Variants in COG5 observed in about 807,000 individuals in gnomAD.
The protein encoded by COG5 is conserved oligomeric Golgi complex subunit 5.
A neutral mutation model predicts 110.4 loss-of-function variants in COG5; 86 were observed. The ratio of observed to expected loss-of-function variants is 0.78; its 90% CI spans 0.65 to 0.93. The LOEUF (loss-of-function observed/expected upper bound fraction) is 0.93. Among genes scored for constraint, COG5 ranks in the 40% least tolerant of loss-of-function variants. The pLI is 0.00. For missense variants in COG5, 1,077 were observed against 987.0 expected, an observed-to-expected ratio of 1.09 and a Z score of -1.22; for synonymous variants, 360 against 334.6, an observed-to-expected ratio of 1.08 and a Z score of -0.83.
rs1791377005 is a variant in COG5 at position 107,400,930 on chromosome 7, A to T, written c.669+11572T>A. On this transcript the variant is annotated intron_variant, in intron 7 of 21. Transcript: ENST00000297135. ...TAATTGACACATCGTAAAAGAGGAA[A>T]GGGTAGACAGAGAGAAAAAGAGTAG... Among the ~76,000 whole-genome samples the T allele has an allele frequency of 2.0e-5, 3 of 152,180 alleles. No individual in the cohort carries two copies. In the South Asian group the frequency reaches 6.2e-4, roughly 31 times the overall value.
chr7:107,523,922 C>T (rs1800536729), intron 6 of COG5, among the ~76,000 whole-genome samples: 1 of 152,016 alleles, frequency 6.6e-6, no homozygotes, highest in Non-Finnish European at 1.5e-5. Context: ...TCTAGACATT[C>T]CAATCCTAGG....
intron 10 of COG5, among the ~76,000 whole-genome samples, chr7:107,337,523 C>A (rs1810805227): frequency 6.6e-6 from 1 of 152,110 alleles, no homozygotes; most frequent in South Asian, 2.1e-4. Context: ...TTAAGTGAAA[C>A]AGGCCAAGCA....
intron 6 of COG5, among the ~76,000 whole-genome samples, chr7:107,488,254 T>A (rs1029875150): frequency 6.6e-6 from 1 of 151,594 alleles, no homozygotes; most frequent in Non-Finnish European, 1.5e-5. Context: ...TAACCAAACA[T>A]AAGTGTAAAA....
chr7:107,291,358 G>C (rs977679959), intron 12 of COG5, among the ~76,000 whole-genome samples: 1 of 152,146 alleles, frequency 6.6e-6, no homozygotes, highest in Admixed American at 6.5e-5. Context: ...AGGAAGGCAT[G>C]AGCCACCACA....
At chr7:107,555,348 G>C (rs1174809379) in intron 2 of COG5, among the ~76,000 whole-genome samples, 1 of 152,182 alleles carries the variant, frequency 6.6e-6, no homozygotes, top group Non-Finnish European at 1.5e-5. Flanking sequence ...TGAATACTTA[G>C]TTTCATGTCT....
chr7:107,201,633 T>C lies in COG5; in HGVS notation c.*1883A>G. On this transcript the variant is annotated 3_prime_UTR_variant, in exon 22 of 22. Coordinates refer to ENST00000297135, the MANE Select transcript of COG5 (RefSeq NM_006348.5). ...AGCATTAAGCTAAAACTATCAACAT[T>C]TTAAACCAAATTGCCTTATTTTTCT... is the stretch of plus-strand genomic sequence containing the variant. 2.3e-6 allele frequency: 1 copy of C among 430,256 alleles called. No homozygotes were observed. The highest frequency in any genetic ancestry group is 4.2e-6 in the Non-Finnish European group (1 of 238,484). 26.7% of individuals were successfully genotyped at this position (430,256 alleles called of 1,614,324 possible).
At chr7:107,394,205 C>T (rs967755885) in intron 7 of COG5, among the ~76,000 whole-genome samples, 22 of 151,680 alleles carry the variant, frequency 1.5e-4, no homozygotes, top group East Asian at 3.9e-4. Context: ...CCTTGTGATC[C>T]GCCTGCCTCG....
intron 5 of COG5, among the ~76,000 whole-genome samples, chr7:107,537,604 G>A (rs996994542): frequency 3.3e-5 from 5 of 152,038 alleles, no homozygotes; most frequent in African/African-American, 7.3e-5. Flanking sequence ...GGGCCAAGGG[G>A]GAGGGATAGC....
At chr7:107,510,335 C>T (rs890042684) in intron 6 of COG5, among the ~76,000 whole-genome samples, 4 of 152,144 alleles carry the variant, frequency 2.6e-5, no homozygotes, top group African/African-American at 9.7e-5. Flanking sequence ...ATCAATTCAA[C>T]AAGAAGAGCT....
At position 107,508,314 on chromosome 7, in the gene COG5, C is replaced by A. The variant is rs560644953; in HGVS notation, c.538+18923G>T. ...AGCAGTCTGAGATCAAACTGCAAGG[C>A]AGCAGCAAGGCTGGGGGAGGGGCGC... On this transcript the variant is annotated intron_variant, in intron 6 of 21. Coordinates refer to ENST00000297135, the MANE Select transcript of COG5 (RefSeq NM_006348.5). 4.3e-3 allele frequency among the ~76,000 whole-genome samples: 654 copies of A among 152,356 alleles called. 3 individuals carry two copies. Among genetic ancestry groups the A allele is most frequent in the Middle Eastern group, 0.02 (6 of 294 alleles).
rs958430524 is a variant in COG5 at position 107,369,548 on chromosome 7, G to A, written c.835+3047C>T. 5.3e-5 allele frequency among the ~76,000 whole-genome samples: 8 copies of A among 151,770 alleles called. No homozygotes were observed. The South Asian group carries it at 8.3e-4, about 16-fold the overall frequency. On this transcript the variant is annotated intron_variant, in intron 8 of 21. Coordinates refer to ENST00000297135, the MANE Select transcript of COG5 (RefSeq NM_006348.5). ...ATTACAGGCATGCGCCACCACGCCC[G>A]GCTAATTTTTCTGTATTTTTAGTAG...
In COG5 at chr7:107,541,523, A is replaced by AAAATATAT. The variant is rs60423657; in HGVS notation, c.417+6587_417+6588insATATATTT. Among the ~76,000 whole-genome samples, 111 of 56,992 alleles carry AAAATATAT rather than the reference A, an allele frequency of 1.9e-3. 2 individuals are homozygous for AAAATATAT. Among genetic ancestry groups the AAAATATAT allele is most frequent in the African/African-American group, 2.7e-3 (40 of 14,946 alleles). 37.4% of individuals were successfully genotyped at this position (56,992 alleles called of 152,430 possible). A position where few individuals can be genotyped will look rare whatever the true frequency, so the allele number is the denominator to read the frequency against. Reference sequence around the variant, plus strand: ...AAAAAAAAAAAAAAAAAAAAAAAAAAATATATATATATATATATATGTATT... The same window carrying AAAATATAT: ...AAAAAAAAAAAAAAAAAAAAAAAAAAAAATATATATATATATATATATATATATGTATT... On this transcript the variant is annotated intron_variant, in intron 5 of 21. Transcript: ENST00000297135.
intron 14 of COG5, 183 bp from the exon 15 acceptor site, chr7:107,258,566 G>C (rs1562937389): frequency 6.5e-6 from 4 of 618,272 alleles, no homozygotes; most frequent in Admixed American, 5.2e-5. Context: ...CTTTGGACTT[G>C]AGGTAAAACC....
chr7:107,372,745 C>A lies in COG5; in HGVS notation c.685G>T (p.Gly229Ter). The A allele has an allele frequency of 4.3e-6, 7 of 1,613,340 alleles. No individual in the cohort carries two copies. The highest frequency in any genetic ancestry group is 5.9e-6 in the Non-Finnish European group (7 of 1,179,664). The change falls in exon 8 of 22, where the codon GGA becomes TGA. Residue 229 changes from glycine (G) to a stop codon, truncating the protein, a stop_gained. Transcript: ENST00000297135. LOFTEE classifies it high-confidence loss of function. The part of the protein sequence containing the change: ...GLETQNPTQV[G>*]TALQVFYNLG... ...TTATAGAAAACCTGAAGAGCTGTTC[C>A]GACTTGAGTTGGATTCTTAAAAAAA...
In COG5 at chr7:107,514,764, A is replaced by G. The variant is rs189042983; in HGVS notation, c.538+12473T>C. Among the ~76,000 whole-genome samples, 59 of 152,354 alleles carry G rather than the reference A, an allele frequency of 3.9e-4. No individual in the cohort carries two copies. The East Asian group carries it at 8.1e-3, about 21-fold the overall frequency. On this transcript the variant is annotated intron_variant, in intron 6 of 21. Transcript: ENST00000297135. ...ATAGCACATAGCACACATAGTAGATATTCAATAAACAATGGCTGAATAAGT... is the reference window on the plus strand; with the variant it reads ...ATAGCACATAGCACACATAGTAGATGTTCAATAAACAATGGCTGAATAAGT...
chr7:107,451,863 C>T (rs543130734), intron 6 of COG5, among the ~76,000 whole-genome samples: 1 of 152,174 alleles, frequency 6.6e-6, no homozygotes, highest in Admixed American at 6.5e-5. Flanking sequence ...GGCTTCCAGT[C>T]AACAATTGGC....
rs1053894190 is a variant in COG5, at chr7:107,352,202, C to A, written c.1026+9831G>T. 8.2e-5 allele frequency among the ~76,000 whole-genome samples: 12 copies of A among 147,182 alleles called. 1 individual carries two copies. The East Asian group carries it at 1.0e-3, about 13-fold the overall frequency. ...GAAACCATCATTCTCAGCAAACTAT[C>A]TCAAGGACAAAAAACCAAACACCGC... On this transcript the variant is annotated intron_variant, in intron 10 of 21. Transcript: ENST00000297135.
intron 10 of COG5, among the ~76,000 whole-genome samples, chr7:107,357,392 G>A (rs774077440): frequency 4.6e-5 from 7 of 152,108 alleles, no homozygotes; most frequent in Middle Eastern, 3.4e-3. Context: ...AATTCCAAGA[G>A]ACTAAATTTT....
In COG5 at chr7:107,201,942, C is replaced by G. The variant is rs1183115200; in HGVS notation, c.*1574G>C. 6.5e-6 allele frequency: 1 copy of G among 152,722 alleles called. No homozygotes were observed. Among genetic ancestry groups the G allele is most frequent in the Non-Finnish European group, 1.5e-5 (1 of 68,098 alleles). The allele number at this position is 152,722 out of a possible 1,614,324, so 9.5% of individuals were successfully genotyped here. ...TGTGCCAAACATAGGCGCTCCTAGT[C>G]TGGTCAGTGCCAAGAGGCTACCAGA... On this transcript the variant is annotated 3_prime_UTR_variant, in exon 22 of 22. Transcript: ENST00000297135.
Sources: gnomAD v4.1 joint callset for allele counts (sites outside exome capture counted in the v4.1 genomes callset) on GRCh38, gnomAD v4.1.1 for gene constraint, MANE v1.5 for transcripts, NCBI Gene and HGNC (gene_info 2026-07-23, HGNC 2026-07-21) for gene names.